CNTNAP2: variants seen among roughly 807,000 people sequenced by gnomAD.
CNTNAP2 encodes the protein contactin-associated protein-like 2.
CNTNAP2 carries 98 observed loss-of-function variants against 155.2 expected under a neutral mutation model. The ratio of observed to expected loss-of-function variants is 0.63; its 90% CI spans 0.54 to 0.75. The LOEUF is 0.75. Among genes scored for constraint, CNTNAP2 ranks in the 30% least tolerant of loss-of-function variants. CNTNAP2 has a pLI of 0.00. For synonymous variants in CNTNAP2, 651 were observed against 631.2 expected (o/e 1.03, Z -0.47); for missense variants, 1,727 against 1,688.1 (o/e 1.02, Z -0.40).
At chr7:146,281,042 G>C (rs188986972) in intron 1 of CNTNAP2, among the ~76,000 whole-genome samples, 1 of 152,306 alleles carries the variant, frequency 6.6e-6, no homozygotes, top group Admixed American at 6.5e-5. Context: ...GTGAGGATGA[G>C]GGTTGACCTA....
At chr7:148,414,191 C>T (rs1359979493) in intron 23 of CNTNAP2, among the ~76,000 whole-genome samples, 1 of 150,350 alleles carries the variant, frequency 6.7e-6, no homozygotes, top group African/African-American at 2.4e-5. Flanking sequence ...ATTCTCACGC[C>T]TCAGCATCTT....
intron 4 of CNTNAP2, among the ~76,000 whole-genome samples, chr7:147,076,788 T>C (rs1365265872): frequency 1.3e-5 from 2 of 152,206 alleles, no homozygotes; most frequent in African/African-American, 4.8e-5. Context: ...TTTTCTACTT[T>C]AATAGACGTT....
intron 1 of CNTNAP2, among the ~76,000 whole-genome samples, chr7:146,196,805 A>G (rs1385234002): frequency 6.6e-6 from 1 of 152,192 alleles, no homozygotes; most frequent in Non-Finnish European, 1.5e-5. Flanking sequence ...CCAAGAGTTA[A>G]CAGGAGGCTT....
chr7:146,759,603 G>C (rs931603675), intron 1 of CNTNAP2, among the ~76,000 whole-genome samples: 8 of 146,834 alleles, frequency 5.4e-5, no homozygotes, highest in African/African-American at 2.0e-4. Flanking sequence ...GCCGAGGCAG[G>C]AGAATAGCTT....
chr7:147,000,958 C>G (rs1368218206), intron 3 of CNTNAP2, among the ~76,000 whole-genome samples: 3 of 152,080 alleles, frequency 2.0e-5, no homozygotes, highest in African/African-American at 7.2e-5. Flanking sequence ...GCTACAGATA[C>G]CAGGCTAAAA....
At chr7:148,287,560 T>C (rs1263733897) in intron 21 of CNTNAP2, among the ~76,000 whole-genome samples, 2 of 152,136 alleles carry the variant, frequency 1.3e-5, no homozygotes, top group South Asian at 2.1e-4. Flanking sequence ...TTAACAAATA[T>C]GCATATATCC....
At chr7:146,862,227 GC>G (rs1795116058) in intron 3 of CNTNAP2, among the ~76,000 whole-genome samples, 1 of 152,058 alleles carries the variant, frequency 6.6e-6, no homozygotes, top group Non-Finnish European at 1.5e-5. Flanking sequence ...AAAGTACTTA[GC>G]GTTTGATATA....
chr7:148,055,357 T>C (rs1802987183), intron 15 of CNTNAP2, among the ~76,000 whole-genome samples: 1 of 152,218 alleles, frequency 6.6e-6, no homozygotes, highest in African/African-American at 2.4e-5. Flanking sequence ...CAATAGCTTA[T>C]AGGAAATTAT....
intron 3 of CNTNAP2, among the ~76,000 whole-genome samples, chr7:146,985,826 G>T (rs1798105791): frequency 6.6e-6 from 1 of 152,008 alleles, no homozygotes; most frequent in Non-Finnish European, 1.5e-5. Context: ...ATTAAACAAT[G>T]CCATTGGCCA....
intron 15 of CNTNAP2, among the ~76,000 whole-genome samples, chr7:148,021,563 G>A (rs1047246175): frequency 1.3e-5 from 2 of 152,218 alleles, no homozygotes; most frequent in Non-Finnish European, 2.9e-5. Context: ...GAGAACGGAA[G>A]GCCTCGTGTT....
chr7:148,364,881 C>T (rs1019813521), intron 21 of CNTNAP2, among the ~76,000 whole-genome samples: 3 of 152,202 alleles, frequency 2.0e-5, no homozygotes. Flanking sequence ...ACTGCTCGCC[C>T]TTTGGGTCCA....
Position 146,335,193 on chromosome 7 carries a change from T to C in CNTNAP2, c.97+218220T>C, listed in dbSNP as rs924952201. Among the ~76,000 whole-genome samples the C allele has an allele frequency of 2.6e-5, 4 of 152,342 alleles. 1 individual carries two copies. The highest frequency in any genetic ancestry group is 2.1e-4 in the South Asian group (1 of 4,830). On this transcript the variant is annotated intron_variant, in intron 1 of 23. Coordinates refer to ENST00000361727, the MANE Select transcript of CNTNAP2 (RefSeq NM_014141.6). ...TCTGAACTTCACATCAAAACCTATATGTTGAGAGTTTTCATTATGACAAAA... is the reference window on the plus strand; with the variant it reads ...TCTGAACTTCACATCAAAACCTATACGTTGAGAGTTTTCATTATGACAAAA...
At chr7:147,780,106 A>C (rs1337822299) in intron 13 of CNTNAP2, among the ~76,000 whole-genome samples, 4 of 152,188 alleles carry the variant, frequency 2.6e-5, no homozygotes, top group Admixed American at 2.6e-4. Flanking sequence ...TTGTAAATGA[A>C]AGTTCTAGAG....
chr7:147,984,124 A>G (rs1461505473), intron 15 of CNTNAP2, among the ~76,000 whole-genome samples: 1 of 152,210 alleles, frequency 6.6e-6, no homozygotes, highest in African/African-American at 2.4e-5. Flanking sequence ...TTATTGCTAC[A>G]GTCTGTAAAC....
intron 1 of CNTNAP2, among the ~76,000 whole-genome samples, chr7:146,621,188 A>G (rs1799310847): frequency 6.6e-6 from 1 of 152,178 alleles, no homozygotes. Context: ...CTCATTTTTA[A>G]ATAAACATTT....
intron 9 of CNTNAP2, among the ~76,000 whole-genome samples, chr7:147,310,575 T>A (rs1795105478): frequency 6.6e-6 from 1 of 152,220 alleles, no homozygotes; most frequent in African/African-American, 2.4e-5. Flanking sequence ...TGTAATGCCT[T>A]GTATATCTGG....
At chr7:147,497,514 A>G (rs11767971) in intron 11 of CNTNAP2, among the ~76,000 whole-genome samples, 43,572 of 152,128 alleles carry the variant, frequency 0.29, 6,377 homozygotes, top group East Asian at 0.43. Context: ...GGCTAGGTAG[A>G]GCCAAGTGAG....
chr7:148,125,005 CA>C (rs796824026), intron 16 of CNTNAP2, among the ~76,000 whole-genome samples: 3 of 152,136 alleles, frequency 2.0e-5, no homozygotes, highest in African/African-American at 7.2e-5. Context: ...TGGGAAACTA[CA>C]AGCATTTTGT....
At chr7:147,531,647 G>T (rs1799433076) in intron 11 of CNTNAP2, among the ~76,000 whole-genome samples, 1 of 152,122 alleles carries the variant, frequency 6.6e-6, no homozygotes. Flanking sequence ...TTTCCTCATG[G>T]GCCTCCAGGC....
Sources: allele counts gnomAD v4.1 joint callset (sites outside exome capture counted in the v4.1 genomes callset), GRCh38; gene constraint gnomAD v4.1.1; transcripts MANE v1.5; gene names NCBI Gene and HGNC (gene_info 2026-07-23, HGNC 2026-07-21).